The following ROCK1 variants were observed in gnomAD, a reference collection of about 807,000 sequenced individuals.
ROCK1 encodes rho-associated protein kinase 1.
A neutral mutation model predicts 196.8 loss-of-function variants in ROCK1; 36 were observed. The observed-to-expected ratio is 0.18, with a 90% confidence interval of 0.14 to 0.24. The LOEUF (loss-of-function observed/expected upper bound fraction) is 0.24, where lower values mean the gene tolerates loss of function less well. Ranked by LOEUF, ROCK1 falls within the 10% of genes least tolerant of loss-of-function variation. The pLI is 1.00. For missense variants in ROCK1, 920 were observed against 1,562.0 expected, an observed-to-expected ratio of 0.59 and a Z score of 6.93; for synonymous variants, 443 against 515.9, an observed-to-expected ratio of 0.86 and a Z score of 1.91.
intron 22 of ROCK1, among the ~76,000 whole-genome samples, chr18:20,978,007 G>A (rs1021539181): frequency 6.6e-5 from 10 of 152,108 alleles, no homozygotes; most frequent in African/African-American, 2.2e-4. Flanking sequence ...TAAAATTTAA[G>A]ATAATATACA....
chr18:21,039,694 G>T (rs561365081), intron 8 of ROCK1, 131 bp from the exon 9 acceptor site: 2 of 625,306 alleles, frequency 3.2e-6, no homozygotes, highest in African/African-American at 3.7e-5. Flanking sequence ...AAATTATATT[G>T]TCAGCATAGT....
chr18:20,961,648 G>A (rs1474646313), intron 27 of ROCK1, among the ~76,000 whole-genome samples: 1 of 152,044 alleles, frequency 6.6e-6, no homozygotes, highest in Non-Finnish European at 1.5e-5. Flanking sequence ...AAGCTCTGCA[G>A]TTGACTGAAT....
Position 21,049,247 on chromosome 18 carries a change from G to A in ROCK1, c.277-18C>T, listed in dbSNP as rs200310630. On this transcript the variant is annotated intron_variant, in intron 3 of 32. Coordinates refer to ENST00000399799, the MANE Select transcript of ROCK1 (RefSeq NM_005406.3). ...TGCCTTACCTTTAAAATTGAAAAGGGAAAATAATGAACCTTTTGTTAACAT... is the reference window on the plus strand; with the variant it reads ...TGCCTTACCTTTAAAATTGAAAAGGAAAAATAATGAACCTTTTGTTAACAT... 5.9e-6 allele frequency: 9 copies of A among 1,523,098 alleles called. No homozygotes were observed. The highest frequency in any genetic ancestry group is 6.2e-6 in the Non-Finnish European group (7 of 1,131,036). 94.3% of individuals were successfully genotyped at this position (1,523,098 alleles called of 1,614,324 possible). A position where few individuals can be genotyped will look rare whatever the true frequency, so the allele number is the denominator to read the frequency against.
rs1284657607 is a variant in ROCK1, at chr18:20,947,285, AAT to A, written c.*4097_*4098del. On this transcript the variant is annotated 3_prime_UTR_variant, in exon 33 of 33. Transcript: ENST00000399799. ...CCATTAGAAAACACAGCTAACTGTT[AAT>A]AACAGTTATGAAGGAATTGGTGGGG... is the stretch of plus-strand genomic sequence containing the variant. 2 of 151,940 alleles carry A rather than the reference AAT, an allele frequency of 1.3e-5. No individual in the cohort carries two copies. The highest frequency in any genetic ancestry group is 4.8e-5 in the African/African-American group (2 of 41,392). 9.4% of individuals were successfully genotyped at this position (151,940 alleles called of 1,614,324 possible).
chr18:20,950,028 GCTT>G lies in ROCK1; in HGVS notation c.*1353_*1355del, dbSNP rs1449931006. 2 of 152,610 alleles carry G rather than the reference GCTT, an allele frequency of 1.3e-5. No individual in the cohort carries two copies. Among genetic ancestry groups the G allele is most frequent in the East Asian group, 3.8e-4 (2 of 5,206 alleles). The allele number at this position is 152,610 out of a possible 1,614,324, so 9.5% of individuals were successfully genotyped here. A position where few individuals can be genotyped will look rare whatever the true frequency, so the allele number is the denominator to read the frequency against. On this transcript the variant is annotated 3_prime_UTR_variant, in exon 33 of 33. Transcript: ENST00000399799. Reference sequence around the variant, plus strand: ...TCCTAGAGACGATCGGTTTTCCAGTGCTTCTTATCTGATACACATTACTGCAAA... The same window carrying G: ...TCCTAGAGACGATCGGTTTTCCAGTGCTTATCTGATACACATTACTGCAAA...
rs192615748 is a variant in ROCK1, at chr18:21,043,372, A to T, written c.676-663T>A. On this transcript the variant is annotated intron_variant, in intron 6 of 32. Coordinates refer to ENST00000399799, the MANE Select transcript of ROCK1 (RefSeq NM_005406.3). The stretch of plus-strand genomic sequence containing the variant: ...CTGAGAGACTTGTTAGCTGTTACCT[A>T]TATTCGCTGGTATTAATGAAACAGC... Among the ~76,000 whole-genome samples, 427 of 152,010 alleles carry T rather than the reference A, an allele frequency of 2.8e-3. 1 individual carries two copies. The highest frequency in any genetic ancestry group is 5.2e-3 in the Non-Finnish European group (355 of 67,942).
chr18:21,000,504 C>A (rs1475183284), intron 16 of ROCK1, among the ~76,000 whole-genome samples: 1 of 152,150 alleles, frequency 6.6e-6, no homozygotes, highest in East Asian at 1.9e-4. Flanking sequence ...CTTAAGCGAT[C>A]TGCCCAGCGC....
intron 1 of ROCK1, among the ~76,000 whole-genome samples, chr18:21,086,285 T>C (rs1386494038): frequency 1.6e-4 from 25 of 151,978 alleles, no homozygotes. Flanking sequence ...CTAATTTTTG[T>C]ATTTTTAGTA....
At chr18:21,095,443 T>C (rs1333755156) in intron 1 of ROCK1, among the ~76,000 whole-genome samples, 3 of 152,068 alleles carry the variant, frequency 2.0e-5, no homozygotes, top group Non-Finnish European at 2.9e-5. Context: ...ACACCCAAGA[T>C]ATGGAAGCAA....
At chr18:20,987,140 T>G in intron 18 of ROCK1, 30 bp from the exon 19 acceptor site, 4 of 1,600,532 alleles carry the variant, frequency 2.5e-6, no homozygotes, top group South Asian at 1.1e-5. Flanking sequence ...CAAACATACA[T>G]TTAAAGAAAG....
intron 4 of ROCK1, among the ~76,000 whole-genome samples, chr18:21,045,899 G>GTGTCT (rs2036151965): frequency 1.6e-5 from 1 of 62,470 alleles, no homozygotes; most frequent in African/African-American, 7.0e-5. Flanking sequence ...AGTTTCAGCT[G>GTGTCT]TTTTTTTTTT....
chr18:20,986,851 A>G, intron 19 of ROCK1, 99 bp downstream of exon 19: 10 of 993,430 alleles, frequency 1.0e-5, no homozygotes, highest in Non-Finnish European at 1.5e-5. Context: ...TTTCATTCAA[A>G]TCTCCTTCAT....
chr18:20,961,142 GA>G (rs2035322470), intron 27 of ROCK1, among the ~76,000 whole-genome samples: 1 of 152,076 alleles, frequency 6.6e-6, no homozygotes, highest in Non-Finnish European at 1.5e-5. Flanking sequence ...TTGGAAATAA[GA>G]AAATCCATTC....
Position 21,111,401 on chromosome 18 carries a change from G to T in ROCK1, c.-491C>A. 1 of 388,850 alleles carries T rather than the reference G, an allele frequency of 2.6e-6. No homozygotes were observed. The highest frequency in any genetic ancestry group is 4.6e-6 in the Non-Finnish European group (1 of 218,830). The allele number at this position is 388,850 out of a possible 1,614,324, so 24.1% of individuals were successfully genotyped here. ...GGCCGCCGCTCGGGCCACGGGCCGG[G>T]CCCGCTCCGCTCAGAGGCGCTGTAG... On this transcript the variant is annotated 5_prime_UTR_variant, in exon 1 of 33. Transcript: ENST00000399799. This position sits in a 1 kb window ranked among gnomAD's most constrained non-coding sequence, Gnocchi z 4.2.
At chr18:21,059,204 C>A (rs1298299108) in intron 2 of ROCK1, among the ~76,000 whole-genome samples, 2 of 152,134 alleles carry the variant, frequency 1.3e-5, no homozygotes, top group African/African-American at 4.8e-5. Context: ...GCCCATACTG[C>A]TTCATCTCTC....
At chr18:21,000,374 G>A (rs1455779016) in intron 16 of ROCK1, among the ~76,000 whole-genome samples, 3 of 151,772 alleles carry the variant, frequency 2.0e-5, no homozygotes, top group Non-Finnish European at 2.9e-5. Flanking sequence ...GTGATCCTCC[G>A]GCCTCAGTCC....
At chr18:20,962,378 AGTT>A (rs1215868959) in intron 27 of ROCK1, among the ~76,000 whole-genome samples, 15 of 152,198 alleles carry the variant, frequency 9.9e-5, no homozygotes, top group African/African-American at 2.9e-4. Flanking sequence ...GATAATACAA[AGTT>A]GTTTAGTATT....
intron 16 of ROCK1, 73 bp downstream of exon 16, chr18:21,006,278 A>T: frequency 8.6e-7 from 1 of 1,156,934 alleles, no homozygotes; most frequent in Non-Finnish European, 1.2e-6. Flanking sequence ...TGAACTGTAT[A>T]TATAAAAATG....
In ROCK1 at chr18:21,039,482, C is replaced by T. The variant is rs372897986; in HGVS notation, c.1041G>A (p.Thr347=). ...AAAAAAAAAACTTACTGTCTCGGAG[C>T]GTTTCCCAAGCCCACTGGTCATTTT... ...FFKNDQWAWE[T]LRDTVAPVVP... The change falls in exon 9 of 33, where the codon ACG becomes ACA. Residue 347 remains threonine (T), a synonymous_variant. Coordinates refer to ENST00000399799, the MANE Select transcript of ROCK1 (RefSeq NM_005406.3). 95 of 1,612,058 alleles carry T rather than the reference C, an allele frequency of 5.9e-5. No homozygotes were observed. The highest frequency in any genetic ancestry group is 8.0e-5 in the Non-Finnish European group (94 of 1,178,720).
Sources: gnomAD v4.1 joint callset for allele counts (sites outside exome capture counted in the v4.1 genomes callset) on GRCh38, gnomAD v4.1.1 for gene constraint, Gnocchi (gnomAD v3.1) non-coding constraint, MANE v1.5 for transcripts, NCBI Gene and HGNC (gene_info 2026-07-23, HGNC 2026-07-21) for gene names.